XYLT1: variants seen among roughly 807,000 people sequenced by gnomAD.
XYLT1 encodes xylosyltransferase 1.
In XYLT1, 36 loss-of-function variants were observed where a neutral mutation model predicts 91.3. That is an observed-to-expected ratio of 0.39 (90% CI 0.30 to 0.52). The LOEUF is 0.52. Among genes scored for constraint, XYLT1 ranks in the 20% least tolerant of loss-of-function variants. The pLI is 0.68. For synonymous variants in XYLT1, 588 were observed against 532.0 expected (o/e 1.11, Z -1.45); for missense variants, 1,242 against 1,284.5 (o/e 0.97, Z 0.51).
chr16:17,434,503 A>C (rs73527432), intron 1 of XYLT1, among the ~76,000 whole-genome samples: 403 of 152,336 alleles, frequency 2.6e-3, no homozygotes, highest in African/African-American at 9.3e-3. Flanking sequence ...TAAACAAAAC[A>C]GATCAGGCTT....
At chr16:17,121,120 T>TAACA (rs1283306777) in intron 10 of XYLT1, among the ~76,000 whole-genome samples, 2 of 152,176 alleles carry the variant, frequency 1.3e-5, no homozygotes, top group African/African-American at 4.8e-5. Flanking sequence ...CAACAGATAC[T>TAACA]AACAAAACAG....
rs561478049 is a variant in XYLT1 at position 17,411,724 on chromosome 16, G to A, written c.364-53674C>T. ...CAACAAGAGCAGTTGTGGTACATTC[G>A]GCTTCACCTTCATCGTGGGAGAATG... On this transcript the variant is annotated intron_variant, in intron 1 of 11. Transcript: ENST00000261381. Among the ~76,000 whole-genome samples, 73 of 152,210 alleles carry A rather than the reference G, an allele frequency of 4.8e-4. 2 individuals carry two copies. In the South Asian group the frequency reaches 0.014, roughly 29 times the overall value.
intron 10 of XYLT1, among the ~76,000 whole-genome samples, chr16:17,125,643 AATCATTCTATTG>A (rs1443153933): frequency 1.3e-5 from 2 of 152,136 alleles, no homozygotes; most frequent in Non-Finnish European, 1.5e-5. Context: ...TAGATGAATC[AATCATTCTATTG>A]AAGGTTGTCC....
At chr16:17,198,960 T>C (rs1178861035) in intron 4 of XYLT1, among the ~76,000 whole-genome samples, 2 of 152,174 alleles carry the variant, frequency 1.3e-5, no homozygotes, top group African/African-American at 2.4e-5. Context: ...GACAGGCTGG[T>C]CTGGAACTCC....
At chr16:17,238,504 G>T (rs537185259) in intron 3 of XYLT1, among the ~76,000 whole-genome samples, 1 of 152,332 alleles carries the variant, frequency 6.6e-6, no homozygotes, top group South Asian at 2.1e-4. Context: ...AATGGGCGTG[G>T]TAGTGTTTTT....
chr16:17,144,758 C>T (rs1033545701), intron 6 of XYLT1, among the ~76,000 whole-genome samples: 2 of 152,146 alleles, frequency 1.3e-5, no homozygotes, highest in African/African-American at 2.4e-5. Context: ...CTAAGTGTCT[C>T]GAGGAAGAGC....
chr16:17,130,982 C>T (rs1468174914), intron 9 of XYLT1, among the ~76,000 whole-genome samples: 1 of 152,124 alleles, frequency 6.6e-6, no homozygotes, highest in Admixed American at 6.5e-5. Context: ...TTTTGCACAG[C>T]ATTTACCCTT....
chr16:17,355,670 G>A (rs2035285573), intron 2 of XYLT1, among the ~76,000 whole-genome samples: 2 of 152,106 alleles, frequency 1.3e-5, no homozygotes, highest in African/African-American at 2.4e-5. Context: ...ATTATTGCTT[G>A]AGACAGTGTT....
At chr16:17,184,184 G>GATT (rs1567312504) in intron 5 of XYLT1, among the ~76,000 whole-genome samples, 1 of 79,058 alleles carries the variant, frequency 1.3e-5, no homozygotes, top group African/African-American at 7.8e-5. Flanking sequence ...ATAAAAGACG[G>GATT]CTTTTTTTTT....
chr16:17,185,316 T>C (rs2032160309), intron 5 of XYLT1, among the ~76,000 whole-genome samples: 1 of 152,246 alleles, frequency 6.6e-6, no homozygotes, highest in African/African-American at 2.4e-5. Flanking sequence ...ACTGGCATGT[T>C]TTTCCAGTCT....
intron 3 of XYLT1, chr16:17,227,993 A>G (rs1230255908): frequency 6.6e-6 from 1 of 152,206 alleles, no homozygotes; most frequent in Non-Finnish European, 1.5e-5. Context: ...TGGAGGCAGA[A>G]GGATGGTAGG....
chr16:17,324,462 A>C (rs1417519445), intron 2 of XYLT1, among the ~76,000 whole-genome samples: 1 of 152,214 alleles, frequency 6.6e-6, no homozygotes, highest in East Asian at 1.9e-4. Flanking sequence ...TTGTATGCCC[A>C]GTCTACTGCA....
intron 1 of XYLT1, among the ~76,000 whole-genome samples, chr16:17,438,372 C>T (rs1314817176): frequency 6.6e-6 from 1 of 152,110 alleles, no homozygotes; most frequent in Non-Finnish European, 1.5e-5. Context: ...TCTTGTACTT[C>T]ACCAAAAAAG....
chr16:17,109,403 G>T (rs1966823564), intron 11 of XYLT1, among the ~76,000 whole-genome samples: 2 of 152,168 alleles, frequency 1.3e-5, no homozygotes, highest in South Asian at 4.1e-4. Flanking sequence ...GACATATTAA[G>T]TACCTATTAG....
chr16:17,361,688 G>A (rs547797379), intron 1 of XYLT1, among the ~76,000 whole-genome samples: 24 of 152,260 alleles, frequency 1.6e-4, no homozygotes, highest in Admixed American at 4.6e-4. Flanking sequence ...AATCCTGTGT[G>A]CCCAATATAC....
intron 3 of XYLT1, among the ~76,000 whole-genome samples, chr16:17,206,240 C>A (rs1252368296): frequency 1.3e-5 from 2 of 152,004 alleles, no homozygotes; most frequent in Non-Finnish European, 2.9e-5. Flanking sequence ...GAGCGGGATT[C>A]GTCTTACTGG....
chr16:17,215,452 T>C (rs902983954), intron 3 of XYLT1, among the ~76,000 whole-genome samples: 47 of 152,166 alleles, frequency 3.1e-4, no homozygotes, highest in Admixed American at 3.1e-3. Context: ...CTCTGCCACA[T>C]GAGGTCACAG....
At chr16:17,165,179 A>G (rs2031646870) in intron 5 of XYLT1, among the ~76,000 whole-genome samples, 1 of 152,238 alleles carries the variant, frequency 6.6e-6, no homozygotes, top group Non-Finnish European at 1.5e-5. Context: ...TAACACTTGA[A>G]TGCCTCCTAT....
At chr16:17,379,530 G>A (rs993661662) in intron 1 of XYLT1, among the ~76,000 whole-genome samples, 9 of 152,188 alleles carry the variant, frequency 5.9e-5, no homozygotes, top group African/African-American at 2.2e-4. Flanking sequence ...TAGACAAGGT[G>A]TGGTGGGTGG....
Sources: gnomAD v4.1 joint callset for allele counts (sites outside exome capture counted in the v4.1 genomes callset) on GRCh38, gnomAD v4.1.1 for gene constraint, MANE v1.5 for transcripts, NCBI Gene and HGNC (gene_info 2026-07-23, HGNC 2026-07-21) for gene names.